Variants in WDR7 observed in about 807,000 individuals in gnomAD.
The protein encoded by WDR7 is WD repeat-containing protein 7.
In WDR7, 46 loss-of-function variants were observed where a neutral mutation model predicts 169.4. The observed-to-expected ratio is 0.27, with a 90% CI of 0.21 to 0.35. The LOEUF (loss-of-function observed/expected upper bound fraction) is 0.35. Ranked by LOEUF, WDR7 falls within the 10% of genes least tolerant of loss-of-function variation. The pLI, the probability that WDR7 is intolerant of heterozygous loss-of-function variation, is 1.00. For missense variants in WDR7, 1,534 were observed against 1,859.3 expected (o/e 0.83, Z 3.22); for synonymous variants, 612 against 666.8 (o/e 0.92, Z 1.27).
intron 20 of WDR7, among the ~76,000 whole-genome samples, chr18:56,869,893 T>G (rs2045930094): frequency 6.6e-6 from 1 of 152,182 alleles, no homozygotes; most frequent in African/African-American, 2.4e-5. Flanking sequence ...ATAATATTCA[T>G]ATAAACACAT....
At chr18:56,774,344 A>G (rs1394927080) in intron 16 of WDR7, among the ~76,000 whole-genome samples, 1 of 152,106 alleles carries the variant, frequency 6.6e-6, no homozygotes, top group Non-Finnish European at 1.5e-5. Context: ...ATGTGTGCAT[A>G]TACACGTTGT....
intron 26 of WDR7, among the ~76,000 whole-genome samples, chr18:57,016,811 G>T (rs911289318): frequency 6.6e-6 from 1 of 152,136 alleles, no homozygotes; most frequent in Non-Finnish European, 1.5e-5. Context: ...CTTATCTCCT[G>T]CTAGGAATAA....
chr18:56,781,528 C>A lies in WDR7; in HGVS notation c.3067-5C>A, dbSNP rs774566064. ...CTGCTTTTACATTTGGGTCTGTGGT[C>A]TTAGGTGAGAGAAGCCGCGCAGGCC... On this transcript the variant is annotated splice_region_variant and splice_polypyrimidine_tract_variant and intron_variant, in intron 18 of 27. Coordinates refer to ENST00000254442, the MANE Select transcript of WDR7 (RefSeq NM_015285.3). 1 of 1,599,648 alleles carries A rather than the reference C, an allele frequency of 6.3e-7. No homozygotes were observed. Among genetic ancestry groups the A allele is most frequent in the Admixed American group, 1.7e-5 (1 of 57,810 alleles).
intron 26 of WDR7, among the ~76,000 whole-genome samples, chr18:56,984,583 A>T (rs1467804033): frequency 6.6e-6 from 1 of 152,206 alleles, no homozygotes; most frequent in Non-Finnish European, 1.5e-5. Flanking sequence ...ACTTGGTTAA[A>T]CTTTGATTTT....
chr18:56,980,172 T>C (rs767033805), intron 26 of WDR7, among the ~76,000 whole-genome samples: 10 of 152,204 alleles, frequency 6.6e-5, no homozygotes, highest in Non-Finnish European at 1.0e-4. Flanking sequence ...TTCAGGTTGG[T>C]TCCTGGGTGC....
At chr18:56,822,329 T>A (rs1274610480) in intron 20 of WDR7, among the ~76,000 whole-genome samples, 1 of 152,190 alleles carries the variant, frequency 6.6e-6, no homozygotes, top group Non-Finnish European at 1.5e-5. Flanking sequence ...ACTGATACAT[T>A]AATATGTTTA....
chr18:56,975,560 C>A (rs978618852), intron 26 of WDR7, among the ~76,000 whole-genome samples: 4 of 152,082 alleles, frequency 2.6e-5, no homozygotes, highest in Non-Finnish European at 5.9e-5. Context: ...AACACCAATG[C>A]CTGCAGAGAT....
intron 26 of WDR7, among the ~76,000 whole-genome samples, chr18:56,968,224 C>G (rs752738639): frequency 2.0e-5 from 3 of 151,964 alleles, no homozygotes; most frequent in Non-Finnish European, 4.4e-5. Flanking sequence ...CTTAAAGAAC[C>G]TGTTCTTAAA....
chr18:56,942,277 T>A (rs1304064800), intron 25 of WDR7, among the ~76,000 whole-genome samples: 1 of 151,752 alleles, frequency 6.6e-6, no homozygotes, highest in Admixed American at 6.6e-5. Flanking sequence ...AATGGCGAGG[T>A]GTTCTTTTGG....
In WDR7 at chr18:56,754,460, ATG is replaced by A. The variant is rs376745398; in HGVS notation, c.1990-2115_1990-2114del. 3.4e-4 allele frequency among the ~76,000 whole-genome samples: 52 copies of A among 151,396 alleles called. No homozygotes were observed. In the South Asian group the frequency reaches 9.2e-3, roughly 27 times the overall value. ...AGTCTTTCTTGCCATGCCATATATA[ATG>A]TGTGTGTATGTATATATGTATATAT... On this transcript the variant is annotated intron_variant, in intron 14 of 27. Transcript: ENST00000254442.
chr18:56,672,398 T>A, intron 1 of WDR7, 99 bp from the exon 2 acceptor site: 2 of 823,794 alleles, frequency 2.4e-6, no homozygotes, highest in Non-Finnish European at 3.3e-6. Flanking sequence ...CTCCCAGGAA[T>A]ATATGATTAT....
At chr18:56,691,512 T>A (rs2025569693) in intron 8 of WDR7, 151 bp downstream of exon 8, 1 of 1,101,440 alleles carries the variant, frequency 9.1e-7, no homozygotes, top group Non-Finnish European at 1.2e-6. Context: ...TTAATTCCAA[T>A]TTAACTTCTA....
chr18:56,846,920 G>A (rs1308915670), intron 20 of WDR7, among the ~76,000 whole-genome samples: 3 of 152,120 alleles, frequency 2.0e-5, no homozygotes, highest in Non-Finnish European at 4.4e-5. Context: ...ACGCAAAAAT[G>A]GACTAACATA....
chr18:56,676,051 C>T (rs1461165592), intron 2 of WDR7, among the ~76,000 whole-genome samples: 7 of 152,164 alleles, frequency 4.6e-5, no homozygotes, highest in South Asian at 2.1e-4. Flanking sequence ...TATCTGGGTG[C>T]TCTGGTGCTG....
At chr18:56,999,528 C>A (rs1019574955) in intron 26 of WDR7, among the ~76,000 whole-genome samples, 1 of 152,070 alleles carries the variant, frequency 6.6e-6, no homozygotes, top group African/African-American at 2.4e-5. Context: ...TTTAATCTTT[C>A]TCCATGATGT....
At chr18:56,684,171 G>T (rs2025401867) in intron 5 of WDR7, among the ~76,000 whole-genome samples, 1 of 152,254 alleles carries the variant, frequency 6.6e-6, no homozygotes, top group South Asian at 2.1e-4. Flanking sequence ...TTAAAATTAT[G>T]ATAGGTGTAT....
chr18:57,033,240 A>G (rs942267023), downstream of WDR7: 1 of 152,114 alleles, frequency 6.6e-6, no homozygotes, highest in Non-Finnish European at 1.5e-5. Context: ...ATGAGGTGGT[A>G]TTGTTAGGTT....
chr18:56,850,985 AT>A (rs1180502637), intron 20 of WDR7, among the ~76,000 whole-genome samples: 7 of 152,110 alleles, frequency 4.6e-5, no homozygotes, highest in Non-Finnish European at 1.0e-4. Context: ...GGTTCTCTCT[AT>A]TAAATTTCTG....
intron 16 of WDR7, among the ~76,000 whole-genome samples, chr18:56,764,892 A>G (rs1221349578): frequency 2.0e-5 from 3 of 152,008 alleles, no homozygotes; most frequent in Non-Finnish European, 4.4e-5. Context: ...TTGCATTTCT[A>G]TCCCAGTTTT....
Sources: gnomAD v4.1 joint callset for allele counts (sites outside exome capture counted in the v4.1 genomes callset) on GRCh38, gnomAD v4.1.1 for gene constraint, MANE v1.5 for transcripts, NCBI Gene and HGNC (gene_info 2026-07-23, HGNC 2026-07-21) for gene names.